The following WWOX variants were observed in gnomAD, a reference collection of about 807,000 sequenced individuals.
The protein encoded by WWOX is WW domain containing oxidoreductase.
In WWOX, 69 loss-of-function variants were observed where a neutral mutation model predicts 46.2. The ratio of observed to expected loss-of-function variants is 1.49; its 90% CI spans 1.23 to 1.82. The LOEUF (loss-of-function observed/expected upper bound fraction) is 1.82. WWOX is among the 40% of genes most tolerant of loss of function. The probability of loss-of-function intolerance (pLI) is 0.00; values close to 1 mark genes in which losing one functional copy is unlikely to be tolerated. For synonymous variants in WWOX, 359 were observed against 202.6 expected (o/e 1.77, Z -6.56); for missense variants, 919 against 542.6 (o/e 1.69, Z -6.89).
intron 5 of WWOX, among the ~76,000 whole-genome samples, chr16:78,283,607 C>T (rs1214654667): frequency 3.3e-5 from 5 of 152,068 alleles, no homozygotes; most frequent in Middle Eastern, 3.4e-3. Context: ...ATGAATGTGG[C>T]ATTTATTCCT....
At chr16:79,167,296 C>G (rs777913933) in intron 8 of WWOX, among the ~76,000 whole-genome samples, 14 of 152,196 alleles carry the variant, frequency 9.2e-5, no homozygotes, top group Non-Finnish European at 1.9e-4. Context: ...GCAAATATGA[C>G]AAAATGCTAA....
intron 8 of WWOX, among the ~76,000 whole-genome samples, chr16:78,587,653 G>T (rs908112093): frequency 1.3e-5 from 2 of 152,136 alleles, no homozygotes; most frequent in African/African-American, 4.8e-5. Flanking sequence ...GGAATTGGGT[G>T]TGGGGAGTGG....
At chr16:78,783,285 T>C (rs1361946140) in intron 8 of WWOX, among the ~76,000 whole-genome samples, 1 of 152,144 alleles carries the variant, frequency 6.6e-6, no homozygotes, top group Non-Finnish European at 1.5e-5. Flanking sequence ...CTCCTTACAG[T>C]GTGTGTGGCA....
intron 8 of WWOX, among the ~76,000 whole-genome samples, chr16:78,534,053 A>C (rs999775498): frequency 1.3e-4 from 20 of 152,246 alleles, no homozygotes; most frequent in African/African-American, 4.8e-4. Flanking sequence ...GGATATAAAC[A>C]ATATTGTAAA....
At chr16:78,394,671 G>A (rs1476940179) in intron 6 of WWOX, among the ~76,000 whole-genome samples, 1 of 152,184 alleles carries the variant, frequency 6.6e-6, no homozygotes, top group Non-Finnish European at 1.5e-5. Flanking sequence ...AGACTATTAA[G>A]ATCTCTGTTG....
intron 8 of WWOX, among the ~76,000 whole-genome samples, chr16:78,745,355 G>A (rs1244956837): frequency 1.3e-5 from 2 of 152,108 alleles, no homozygotes; most frequent in Admixed American, 1.3e-4. Context: ...TCTGCCATGA[G>A]TACTTAGCTT....
At chr16:78,368,621 G>C (rs958344974) in intron 5 of WWOX, among the ~76,000 whole-genome samples, 3 of 152,156 alleles carry the variant, frequency 2.0e-5, no homozygotes, top group Admixed American at 6.5e-5. Context: ...CTGAGGCCAG[G>C]GTGTATTAAC....
At chr16:78,677,261 G>T (rs1460431400) in intron 8 of WWOX, among the ~76,000 whole-genome samples, 1 of 152,128 alleles carries the variant, frequency 6.6e-6, no homozygotes, top group Non-Finnish European at 1.5e-5. Context: ...GCAGCTGTTT[G>T]ACAGGATTCT....
At chr16:78,879,054 A>T (rs1431205046) in intron 8 of WWOX, among the ~76,000 whole-genome samples, 1 of 151,992 alleles carries the variant, frequency 6.6e-6, no homozygotes, top group East Asian at 1.9e-4. Flanking sequence ...ATCTGGAAGG[A>T]AGGGAGGAAA....
chr16:78,106,770 G>A (rs532092236), intron 1 of WWOX, among the ~76,000 whole-genome samples: 1 of 152,274 alleles, frequency 6.6e-6, no homozygotes, highest in African/African-American at 2.4e-5. Flanking sequence ...GTACAAAGTA[G>A]GAGTTTGTCC....
In WWOX at chr16:78,782,227, G is replaced by T. The variant is rs527767130; in HGVS notation, c.1056+349475G>T. 2.0e-5 allele frequency among the ~76,000 whole-genome samples: 3 copies of T among 152,144 alleles called. No individual in the cohort carries two copies. In the South Asian group the frequency reaches 6.3e-4, roughly 32 times the overall value. On this transcript the variant is annotated intron_variant, in intron 8 of 8. Transcript: ENST00000566780. The stretch of plus-strand genomic sequence containing the variant: ...CTATCCCTTCCGATTGACCCCACTG[G>T]ACTTCTCTGCTCCTGGCTTCTGTCT...
intron 8 of WWOX, among the ~76,000 whole-genome samples, chr16:78,950,833 T>G (rs1004456621): frequency 1.3e-5 from 2 of 152,190 alleles, no homozygotes; most frequent in Admixed American, 6.5e-5. Flanking sequence ...AACCAGACTT[T>G]TGAAGCAGGG....
chr16:78,577,115 A>C (rs1210777304), intron 8 of WWOX, among the ~76,000 whole-genome samples: 1 of 152,122 alleles, frequency 6.6e-6, no homozygotes, highest in Non-Finnish European at 1.5e-5. Context: ...TCTTGGTGTA[A>C]ATTAGTCACC....
At chr16:78,231,044 G>C (rs1025697654) in intron 5 of WWOX, among the ~76,000 whole-genome samples, 11 of 152,224 alleles carry the variant, frequency 7.2e-5, no homozygotes, top group Admixed American at 2.6e-4. Flanking sequence ...GCAATGCCAA[G>C]AGAGCAGGAA....
At chr16:78,964,646 C>T (rs1443736037) in intron 8 of WWOX, among the ~76,000 whole-genome samples, 1 of 152,232 alleles carries the variant, frequency 6.6e-6, no homozygotes, top group Non-Finnish European at 1.5e-5. Flanking sequence ...TTCAAGCTGG[C>T]TGCAGAAATT....
At chr16:78,850,619 C>T (rs956829486) in intron 8 of WWOX, among the ~76,000 whole-genome samples, 4 of 152,146 alleles carry the variant, frequency 2.6e-5, no homozygotes, top group African/African-American at 9.7e-5. Context: ...TTCATATTTA[C>T]CATCACCATC....
intron 8 of WWOX, among the ~76,000 whole-genome samples, chr16:78,505,633 C>T (rs549696139): frequency 6.6e-6 from 1 of 152,120 alleles, no homozygotes; most frequent in South Asian, 2.1e-4. Context: ...CTGGCTTGCT[C>T]CAAACTCAGG....
chr16:78,948,224 G>A (rs1015360343), intron 8 of WWOX, among the ~76,000 whole-genome samples: 1 of 152,194 alleles, frequency 6.6e-6, no homozygotes, highest in South Asian at 2.1e-4. Context: ...CTGGATCTCA[G>A]GTGGTAGGTT....
intron 8 of WWOX, among the ~76,000 whole-genome samples, chr16:78,724,312 G>A (rs1351081505): frequency 6.6e-6 from 1 of 152,146 alleles, no homozygotes; most frequent in East Asian, 1.9e-4. Context: ...TTATCTCTGT[G>A]ATTAACTTGC....
Sources: gnomAD v4.1 joint callset for allele counts (sites outside exome capture counted in the v4.1 genomes callset) on GRCh38, gnomAD v4.1.1 for gene constraint, MANE v1.5 for transcripts, NCBI Gene and HGNC (gene_info 2026-07-23, HGNC 2026-07-21) for gene names.